The following GPHN variants were observed in gnomAD, a reference collection of about 807,000 sequenced individuals.
GPHN encodes the protein gephyrin.
Under a neutral mutation model 95.5 loss-of-function variants are expected in GPHN, and 17 were observed. The ratio of observed to expected loss-of-function variants is 0.18; its 90% CI spans 0.12 to 0.27. The LOEUF is 0.27. Ranked by LOEUF, GPHN falls within the 10% of genes least tolerant of loss-of-function variation. The pLI, the probability that GPHN is intolerant of heterozygous loss-of-function variation, is 1.00. For missense variants in GPHN, 660 were observed against 978.1 expected, an observed-to-expected ratio of 0.67 and a Z score of 4.34; for synonymous variants, 320 against 322.5, an observed-to-expected ratio of 0.99 and a Z score of 0.08.
the GPHN span, among the ~76,000 whole-genome samples, chr14:67,276,027 GCTAGTAGT>G: frequency 6.6e-6 from 1 of 151,840 alleles, no homozygotes; most frequent in East Asian, 1.9e-4. Flanking sequence ...CATTAGTCTT[GCTAGTAGT>G]CTATCAATTT....
intron 1 of GPHN, among the ~76,000 whole-genome samples, chr14:66,653,174 T>C (rs6573695): frequency 0.31 from 47,208 of 152,052 alleles, 11,179 homozygotes; most frequent in African/African-American, 0.64. Flanking sequence ...CAGTAGTACC[T>C]TTCTATCAAC....
intron 2 of GPHN, among the ~76,000 whole-genome samples, chr14:66,703,974 A>AT (rs1003902753): frequency 1.3e-5 from 2 of 149,952 alleles, no homozygotes; most frequent in Admixed American, 6.7e-5. Context: ...AAAAAAAAAA[A>AT]GAAAGAAAGA....
rs749955609 is a variant in GPHN at position 67,179,653 on chromosome 14, C to T, written c.2155C>T (p.Leu719=). 8 of 1,595,608 alleles carry T rather than the reference C, an allele frequency of 5.0e-6. No homozygotes were observed. Among genetic ancestry groups the T allele is most frequent in the Non-Finnish European group, 6.9e-6 (8 of 1,163,168 alleles). ...ACTAACTTGGCATCACCAAGAACCACTACCTTGGGCACAGAGTACAGGTTA... is the reference window on the plus strand; with the variant it reads ...ACTAACTTGGCATCACCAAGAACCATTACCTTGGGCACAGAGTACAGGTTA... ...CILTWHHQEP[L]PWAQSTGNQM... Residue 719 remains leucine (L), a synonymous_variant, in exon 22 of 23, where the codon CTA becomes TTA. Transcript: ENST00000478722.
At chr14:67,412,180 A>C in the GPHN span, 2 of 744,510 alleles carry the variant, frequency 2.7e-6, no homozygotes, top group African/African-American at 3.7e-5. Context: ...CCGACGCGGC[A>C]GGGCGACGCC....
the GPHN span, among the ~76,000 whole-genome samples, chr14:67,545,932 A>G: frequency 6.6e-6 from 1 of 151,808 alleles, no homozygotes; most frequent in Non-Finnish European, 1.5e-5. Context: ...CAATTGAACA[A>G]AAGCTCTGCT....
At chr14:66,748,387 G>A (rs1372371059) in intron 2 of GPHN, among the ~76,000 whole-genome samples, 1 of 151,952 alleles carries the variant, frequency 6.6e-6, no homozygotes, top group East Asian at 1.9e-4. Context: ...GGCAGTTTTA[G>A]GTTCATAGCA....
chr14:67,347,339 A>G, the GPHN span: 1 of 1,279,754 alleles, frequency 7.8e-7, no homozygotes, highest in Non-Finnish European at 1.1e-6. Flanking sequence ...ATTTTCCAGA[A>G]CTTAGTTCAT....
the GPHN span, among the ~76,000 whole-genome samples, chr14:67,315,834 C>T: frequency 2.6e-5 from 4 of 152,160 alleles, no homozygotes; most frequent in East Asian, 1.9e-4. Context: ...CTGAGGCATG[C>T]GAATCCCTTG....
At position 66,790,152 on chromosome 14, in the gene GPHN, A is replaced by G. The variant is rs188108452; in HGVS notation, c.201+13631A>G. ...TTTAACCATAGCACTCTTTTAAAAA[A>G]GTTTTTTTAAAAATCTCTTATTACC... is the stretch of plus-strand genomic sequence containing the variant. On this transcript the variant is annotated intron_variant, in intron 3 of 22. Transcript: ENST00000478722. 2.4e-4 allele frequency among the ~76,000 whole-genome samples: 37 copies of G among 152,294 alleles called. 1 individual carries two copies. Among genetic ancestry groups the G allele is most frequent in the African/African-American group, 8.7e-4 (36 of 41,560 alleles).
At chr14:66,785,936 C>T (rs973615249) in intron 3 of GPHN, among the ~76,000 whole-genome samples, 6 of 152,000 alleles carry the variant, frequency 3.9e-5, no homozygotes, top group Non-Finnish European at 7.4e-5. Flanking sequence ...GCAAAGCAGA[C>T]ATTAAGAGAA....
chr14:66,861,084 C>CA (rs1417557613), intron 4 of GPHN, among the ~76,000 whole-genome samples: 1 of 151,968 alleles, frequency 6.6e-6, no homozygotes, highest in Non-Finnish European at 1.5e-5. Context: ...AATCAAAAGA[C>CA]AGAGTGGCTG....
At chr14:66,696,758 G>A (rs1050983901) in intron 2 of GPHN, among the ~76,000 whole-genome samples, 1 of 152,150 alleles carries the variant, frequency 6.6e-6, no homozygotes, top group African/African-American at 2.4e-5. Context: ...AGAACCTCTG[G>A]TATTCAAGAT....
At chr14:66,588,483 A>G (rs948024956) in intron 1 of GPHN, among the ~76,000 whole-genome samples, 1 of 152,128 alleles carries the variant, frequency 6.6e-6, no homozygotes. Context: ...AGAAGCTAAG[A>G]ACCTTGAAAA....
At chr14:66,952,092 T>C (rs1057054410) in intron 8 of GPHN, among the ~76,000 whole-genome samples, 2 of 152,206 alleles carry the variant, frequency 1.3e-5, no homozygotes, top group African/African-American at 4.8e-5. Context: ...TCAGTGACTT[T>C]TACTACATTC....
intron 1 of GPHN, among the ~76,000 whole-genome samples, chr14:66,651,736 T>A (rs1467347997): frequency 6.6e-6 from 1 of 152,034 alleles, no homozygotes; most frequent in African/African-American, 2.4e-5. Flanking sequence ...CATCCTGTCT[T>A]TGTGAAGCAG....
the GPHN span, among the ~76,000 whole-genome samples, chr14:67,342,436 C>A: frequency 1.3e-5 from 2 of 151,154 alleles, no homozygotes; most frequent in Non-Finnish European, 2.9e-5. Context: ...TAGCAATCAA[C>A]TGTTAAAAAA....
chr14:67,254,299 T>C, the GPHN span: 1 of 152,030 alleles, frequency 6.6e-6, no homozygotes, highest in African/African-American at 2.4e-5. Flanking sequence ...ACTCGCCTTG[T>C]TGAATGAAAA....
intron 2 of GPHN, among the ~76,000 whole-genome samples, chr14:66,690,093 T>G (rs1234533263): frequency 6.6e-6 from 1 of 151,968 alleles, no homozygotes; most frequent in Non-Finnish European, 1.5e-5. Flanking sequence ...ATTCTTACAG[T>G]TTGTTCTTGA....
At chr14:67,410,894 C>G in the GPHN span, among the ~76,000 whole-genome samples, 1 of 152,046 alleles carries the variant, frequency 6.6e-6, no homozygotes, top group Non-Finnish European at 1.5e-5. Context: ...GCCTGTTATC[C>G]CAGCACCTTG....
Sources: gnomAD v4.1 joint callset for allele counts (sites outside exome capture counted in the v4.1 genomes callset) on GRCh38, gnomAD v4.1.1 for gene constraint, MANE v1.5 for transcripts, NCBI Gene and HGNC (gene_info 2026-07-23, HGNC 2026-07-21) for gene names.